Variants in KCNN4 observed in about 807,000 individuals in gnomAD.
The protein encoded by KCNN4 is potassium calcium-activated channel subfamily N member 4, also known as intermediate conductance calcium-activated potassium channel protein 4.
Under a neutral mutation model 45.2 loss-of-function variants are expected in KCNN4, and 31 were observed. The ratio of observed to expected loss-of-function variants is 0.69; its 90% CI spans 0.52 to 0.92. KCNN4 has a LOEUF of 0.92. KCNN4 is among the 40% of genes least tolerant of loss of function. The pLI is 0.00. For missense variants in KCNN4, 463 were observed against 574.0 expected, an observed-to-expected ratio of 0.81 and a Z score of 1.98; for synonymous variants, 231 against 254.6, an observed-to-expected ratio of 0.91 and a Z score of 0.88.
At chr19:43,773,897 AACCTGAGG>A (rs1173739550) in intron 3 of KCNN4, among the ~76,000 whole-genome samples, 1 of 152,176 alleles carries the variant, frequency 6.6e-6, no homozygotes, top group African/African-American at 2.4e-5. Flanking sequence ...ATGGCCTGTA[AACCTGAGG>A]CAGAGGTCAG....
In KCNN4 at chr19:43,773,625, C is replaced by A. The variant is rs188644361; in HGVS notation, c.683+567G>T. 9.8e-5 allele frequency among the ~76,000 whole-genome samples: 15 copies of A among 152,294 alleles called. No homozygotes were observed. In the East Asian group the frequency reaches 2.9e-3, roughly 29 times the overall value. On this transcript the variant is annotated intron_variant, in intron 3 of 8. Coordinates refer to ENST00000648319, the MANE Select transcript of KCNN4 (RefSeq NM_002250.3). ...TTGAGGACCACTGGCTGAGATCACTCCCAACCTCGTTTTTCTCTGAAAGGG... is the reference window on the plus strand; with the variant it reads ...TTGAGGACCACTGGCTGAGATCACTACCAACCTCGTTTTTCTCTGAAAGGG...
intron 4 of KCNN4, among the ~76,000 whole-genome samples, chr19:43,771,561 T>C (rs1158060518): frequency 1.3e-5 from 2 of 152,150 alleles, no homozygotes; most frequent in Non-Finnish European, 2.9e-5. Context: ...TGGGAGACGA[T>C]TTCCCAGTTC....
intron 1 of KCNN4, among the ~76,000 whole-genome samples, chr19:43,777,298 GGTGTGT>G (rs370942754): frequency 1.2e-4 from 4 of 33,062 alleles, no homozygotes; most frequent in African/African-American, 3.0e-4. Context: ...TAGTTCTTCA[GGTGTGT>G]GTGTGTGTGT....
At position 43,778,118 on chromosome 19, in the gene KCNN4, T is replaced by G. The variant is rs535082090; in HGVS notation, c.160-1482A>C. ...CTGGTGGTCCTCTCTACTTTTCCAT[T>G]TCCTCTTCCCCCAAATCCCGGACCT... On this transcript the variant is annotated intron_variant, in intron 1 of 8. Coordinates refer to ENST00000648319, the MANE Select transcript of KCNN4 (RefSeq NM_002250.3). Among the ~76,000 whole-genome samples, 3 of 152,314 alleles carry G rather than the reference T, an allele frequency of 2.0e-5. No homozygotes were observed. In the East Asian group the frequency reaches 5.8e-4, roughly 29 times the overall value.
In KCNN4 at chr19:43,772,015, C is replaced by T. The variant is rs759914653; in HGVS notation, c.804G>A (p.Leu268=). The T allele has an allele frequency of 6.2e-7, 1 of 1,611,904 alleles. No individual in the cohort carries two copies. Among genetic ancestry groups the T allele is most frequent in the Non-Finnish European group, 8.5e-7 (1 of 1,179,106 alleles). The change falls in exon 4 of 9, where the codon CTG becomes CTA. Residue 268 remains leucine (L), a synonymous_variant. Coordinates refer to ENST00000648319, the MANE Select transcript of KCNN4 (RefSeq NM_002250.3). This position sits in a 1 kb window ranked among gnomAD's most constrained non-coding sequence, Gnocchi z 4.4. ...PGTMWGKIVC[L]CTGVMGVCCT... ...CTGTACTCACCATGACTCCAGTGCA[C>T]AGGCAGACGATCTTGCCCCACATGG... is the stretch of plus-strand genomic sequence containing the variant.
chr19:43,776,754 T>C, intron 1 of KCNN4, 118 bp from the exon 2 acceptor site: 1 of 684,106 alleles, frequency 1.5e-6, no homozygotes. Context: ...CTAGCCTCCT[T>C]CCCCTGCAAA....
At chr19:43,779,351 C>T (rs1156468911) in intron 1 of KCNN4, among the ~76,000 whole-genome samples, 5 of 152,064 alleles carry the variant, frequency 3.3e-5, no homozygotes, top group South Asian at 2.1e-4. Flanking sequence ...TGGACTTCGG[C>T]GGCCCCACCC....
intron 2 of KCNN4, 85 bp downstream of exon 2, chr19:43,776,453 CAGG>C (rs1278307339): frequency 2.4e-4 from 216 of 884,108 alleles, no homozygotes; most frequent in Non-Finnish European, 3.3e-4. Context: ...TTACTCAGAT[CAGG>C]AGGAGGAGGA....
Position 43,776,637 on chromosome 19 carries a change from C to T in KCNN4, c.160-1G>A, listed in dbSNP as rs147965350. Reference sequence around the variant, plus strand: ...TAACCAGGAACAGGTAGAGCGCCCACTGTCAGGGGGGACGGAAAAAGCGGT... The same window carrying T: ...TAACCAGGAACAGGTAGAGCGCCCATTGTCAGGGGGGACGGAAAAAGCGGT... On this transcript the variant is annotated splice_acceptor_variant, in intron 1 of 8. Coordinates refer to ENST00000648319, the MANE Select transcript of KCNN4 (RefSeq NM_002250.3). LOFTEE classifies it high-confidence loss of function. 5 of 1,606,148 alleles carry T rather than the reference C, an allele frequency of 3.1e-6. No individual in the cohort carries two copies. In the African/African-American group the frequency reaches 4.0e-5, roughly 13 times the overall value.
intron 1 of KCNN4, among the ~76,000 whole-genome samples, chr19:43,778,878 G>A (rs1568396131): frequency 6.6e-6 from 1 of 152,134 alleles, no homozygotes; most frequent in Non-Finnish European, 1.5e-5. Context: ...GATGGAGGTG[G>A]TGAGGGGCGG....
At chr19:43,777,326 G>GTGTGTGTGTGTGTGT (rs1555725374) in intron 1 of KCNN4, among the ~76,000 whole-genome samples, 12 of 141,512 alleles carry the variant, frequency 8.5e-5, no homozygotes, top group Non-Finnish European at 9.1e-5. Context: ...TGTGTGTGTG[G>GTGTGTGTGTGTGTGT]GTGTGTGTGT....
rs1415997283 is a variant in KCNN4 at position 43,774,547 on chromosome 19, G to C, written c.328C>G (p.Leu110Val). 1.3e-6 allele frequency: 2 copies of C among 1,580,792 alleles called. No individual in the cohort carries two copies. Among genetic ancestry groups the C allele is most frequent in the South Asian group, 1.1e-5 (1 of 88,670 alleles). ...TGCAGCCCACACACCACCAGCTCCA[G>C]CACGATCTGCGCCGCCTGCCGCCCG... Reference protein sequence around the residue: ...LTGRQAAQIVLELVVCGLHPA... With the variant: ...LTGRQAAQIVVELVVCGLHPA... The change falls in exon 3 of 9, where the codon CTG becomes GTG. Residue 110 changes from leucine (L) to valine (V), a missense_variant. By Grantham distance (32) the Leu-to-Val change is conservative (BLOSUM62 1). Transcript: ENST00000648319. The surrounding 1 kb of genome is among the most constrained non-coding windows in gnomAD (Gnocchi z 5.6).
rs996616465 is a variant in KCNN4, at chr19:43,772,728, G to A, written c.684-593C>T. ...TAACTTTGTCCACAGGCCCCTTGCCGCAAGACCAGCAGGGAAAGCTTCATT... is the reference window on the plus strand; with the variant it reads ...TAACTTTGTCCACAGGCCCCTTGCCACAAGACCAGCAGGGAAAGCTTCATT... On this transcript the variant is annotated intron_variant, in intron 3 of 8. Coordinates refer to ENST00000648319, the MANE Select transcript of KCNN4 (RefSeq NM_002250.3). This position sits in a 1 kb window ranked among gnomAD's most constrained non-coding sequence, Gnocchi z 4.4. Among the ~76,000 whole-genome samples, 5 of 152,076 alleles carry A rather than the reference G, an allele frequency of 3.3e-5. No individual in the cohort carries two copies. The highest frequency in any genetic ancestry group is 7.2e-5 in the African/African-American group (3 of 41,390).
chr19:43,776,270 G>A (rs1221426918), intron 2 of KCNN4, among the ~76,000 whole-genome samples: 1 of 151,996 alleles, frequency 6.6e-6, no homozygotes, highest in Non-Finnish European at 1.5e-5. Context: ...CAGAGGCCTG[G>A]GGGCGGAAGC....
rs1969486083 is a variant in KCNN4 at position 43,766,656 on chromosome 19, G to A, written c.*437C>T. ...GTCCTCTTTGTTGTCCCACCAGGGG[G>A]CGCCACCTCCAGCCCCGCCCCAGCC... On this transcript the variant is annotated 3_prime_UTR_variant, in exon 9 of 9. Coordinates refer to ENST00000648319, the MANE Select transcript of KCNN4 (RefSeq NM_002250.3). The A allele has an allele frequency of 1.3e-5, 2 of 152,484 alleles. No homozygotes were observed. Among genetic ancestry groups the A allele is most frequent in the Non-Finnish European group, 2.9e-5 (2 of 68,070 alleles). The allele number at this position is 152,484 out of a possible 1,614,324, so 9.4% of individuals were successfully genotyped here.
At chr19:43,776,724 T>C in intron 1 of KCNN4, 88 bp from the exon 2 acceptor site, 1 of 835,860 alleles carries the variant, frequency 1.2e-6, no homozygotes. Flanking sequence ...ACCATTTTTT[T>C]TTTTTGATTC....
rs749301932 is a variant in KCNN4, at chr19:43,774,392, G to C, written c.483C>G (p.Tyr161Ter). The change falls in exon 3 of 9, where the codon TAC becomes TAG. Residue 161 changes from tyrosine to a stop codon, truncating the protein, a stop_gained. Transcript: ENST00000648319. LOFTEE classifies it high-confidence loss of function. This position sits in a 1 kb window ranked among gnomAD's most constrained non-coding sequence, Gnocchi z 5.6. ...GCAGGAGCACGGCGCGGGGCACCAG[G>C]TAGAGACGCAGCAGCATGGCCAGGG... ...LLSLAMLLRL[Y>*]LVPRAVLLRS... The C allele has an allele frequency of 8.1e-6, 13 of 1,602,174 alleles. No homozygotes were observed. Among genetic ancestry groups the C allele is most frequent in the Non-Finnish European group, 8.5e-6 (10 of 1,174,724 alleles).
chr19:43,775,656 G>C (rs1235261665), intron 2 of KCNN4, among the ~76,000 whole-genome samples: 1 of 152,134 alleles, frequency 6.6e-6, no homozygotes, highest in Non-Finnish European at 1.5e-5. Context: ...GCAAAGTTAT[G>C]ATAGGAGAGG....
Position 43,768,995 on chromosome 19 carries a change from C to G in KCNN4, c.1087G>C (p.Glu363Gln). ...ATGTCCACCATGGAGTTCACTTGTT[C>G]CCGGAGCTTCCGGTGTTTCAGCCGC... ...QVRLKHRKLR[E>Q]QVNSMVDISK... The change falls in exon 7 of 9, where the codon GAA becomes CAA. Residue 363 changes from glutamate (E) to glutamine (Q), a missense_variant. By Grantham distance (29) the Glu-to-Gln change is conservative. Around this residue, in one of 3 missense-constraint regions of KCNN4, gnomAD observed 129 missense variants for 149.4 expected, o/e 0.86. Coordinates refer to ENST00000648319, the MANE Select transcript of KCNN4 (RefSeq NM_002250.3). The G allele has an allele frequency of 6.2e-7, 1 of 1,614,038 alleles. No individual in the cohort carries two copies. The highest frequency in any genetic ancestry group is 8.5e-7 in the Non-Finnish European group (1 of 1,179,926).
Sources: allele counts gnomAD v4.1 joint callset (sites outside exome capture counted in the v4.1 genomes callset), GRCh38; gene constraint gnomAD v4.1.1; regional missense constraint gnomAD v4.1.1; non-coding constraint Gnocchi (gnomAD v3.1); transcripts MANE v1.5; gene names NCBI Gene and HGNC (gene_info 2026-07-23, HGNC 2026-07-21).